Variants in GK observed in about 807,000 individuals in gnomAD.
GK encodes the protein ATP:glycerol 3-phosphotransferase.
GK carries 9 observed loss-of-function variants against 56.4 expected under a neutral mutation model. The ratio of observed to expected loss-of-function variants is 0.16; its 90% CI spans 0.10 to 0.28. The LOEUF (loss-of-function observed/expected upper bound fraction) is 0.28. GK is among the 10% of genes least tolerant of loss of function. GK has a pLI of 1.00. For synonymous variants in GK, 104 were observed against 144.1 expected, an observed-to-expected ratio of 0.72 and a Z score of 1.99; for missense variants, 161 against 431.4, an observed-to-expected ratio of 0.37 and a Z score of 5.55.
At chrX:30,696,848 C>A in intron 8 of GK, 165 bp downstream of exon 8, 2 of 468,902 alleles carry the variant, frequency 4.3e-6, no homozygotes, top group East Asian at 3.8e-5. Flanking sequence ...GTCCTTTTTA[C>A]AATGGATTTG....
intron 5 of GK, among the ~76,000 whole-genome samples, chrX:30,692,081 T>C (rs1934965837): frequency 1.5e-5 from 1 of 65,290 alleles, no homozygotes; most frequent in Non-Finnish European, 4.0e-5. Context: ...TCTGTTTTTG[T>C]TTTTTGTGTT....
chrX:30,711,169 G>A (rs1481980340), intron 13 of GK, among the ~76,000 whole-genome samples: 2 of 97,826 alleles, frequency 2.0e-5, no homozygotes, highest in African/African-American at 7.6e-5. Context: ...AGTTCTTTTA[G>A]TTTTAGTGTG....
At chrX:30,686,096 G>A (rs1417223643) in intron 4 of GK, among the ~76,000 whole-genome samples, 2 of 112,437 alleles carry the variant, frequency 1.8e-5, no homozygotes, top group African/African-American at 6.5e-5. Flanking sequence ...TGATATTTTG[G>A]CATTTTATAC....
intron 11 of GK, among the ~76,000 whole-genome samples, chrX:30,703,393 C>T (rs746527451): frequency 1.8e-5 from 2 of 111,330 alleles, no homozygotes; most frequent in East Asian, 2.8e-4. Context: ...GGCCAAGATG[C>T]CATGGAGGAA....
chrX:30,719,462 C>T lies in GK; in HGVS notation c.1098C>T (p.Phe366=), dbSNP rs200152844. ...KEVGTSYGCY[F]VPAFSGLYAP... ...TAGGTACTTCTTATGGCTGCTACTT[C>T]GTCCCAGCATTTTCGGGGTTATATG... The change falls in exon 15 of 21, where the codon TTC becomes TTT. Residue 366 remains phenylalanine, a synonymous_variant. Coordinates refer to ENST00000427190, the MANE Select transcript of GK (RefSeq NM_001205019.2). The T allele has an allele frequency of 5.2e-5, 62 of 1,195,549 alleles. No homozygotes were observed. The highest frequency in any genetic ancestry group is 4.2e-4 in the African/African-American group (24 of 56,940).
At chrX:30,696,968 A>G (rs765711511) in intron 8 of GK, among the ~76,000 whole-genome samples, 4 of 112,939 alleles carry the variant, frequency 3.5e-5, no homozygotes, top group African/African-American at 1.3e-4. Flanking sequence ...TTGAATCCAA[A>G]TAACTGTTTA....
At chrX:30,715,746 C>T (rs1488839801) in intron 13 of GK, among the ~76,000 whole-genome samples, 1 of 112,311 alleles carries the variant, frequency 8.9e-6, no homozygotes, top group South Asian at 3.7e-4. Context: ...AGATGTCTCT[C>T]ATTTTTATTT....
intron 13 of GK, among the ~76,000 whole-genome samples, chrX:30,716,381 G>C (rs972626398): frequency 9.0e-6 from 1 of 111,711 alleles, no homozygotes; most frequent in Non-Finnish European, 1.9e-5. Flanking sequence ...TTGAGCACTG[G>C]AAATGTGGCT....
At chrX:30,725,534 G>T (rs766160236) in intron 19 of GK, among the ~76,000 whole-genome samples, 11 of 112,280 alleles carry the variant, frequency 9.8e-5, no homozygotes, top group African/African-American at 3.6e-4. Flanking sequence ...CGTAAGCCTT[G>T]ACTTCTTTTC....
intron 16 of GK, 84 bp from the exon 17 acceptor site, chrX:30,720,537 A>G: frequency 3.4e-6 from 3 of 873,198 alleles, no homozygotes; most frequent in Non-Finnish European, 5.1e-6. Context: ...GAAGCTCTTG[A>G]GAGTTTCTGA....
At chrX:30,669,710 G>T (rs5972205) in intron 3 of GK, among the ~76,000 whole-genome samples, 4,184 of 110,774 alleles carry the variant, frequency 0.038, 212 homozygotes, top group African/African-American at 0.13. Flanking sequence ...ATTGGTGGTG[G>T]TGGCTTGATT....
At chrX:30,685,907 A>C (rs1273151939) in intron 4 of GK, among the ~76,000 whole-genome samples, 2 of 111,817 alleles carry the variant, frequency 1.8e-5, no homozygotes, top group Non-Finnish European at 3.8e-5. Context: ...TAGGATACTT[A>C]AGCCAGGGCC....
At chrX:30,714,627 C>T (rs1378529626) in intron 13 of GK, among the ~76,000 whole-genome samples, 3 of 111,592 alleles carry the variant, frequency 2.7e-5, no homozygotes, top group Non-Finnish European at 1.9e-5. Context: ...AATGGAAGCA[C>T]GTACACATCA....
rs1166882361 is a variant in GK, at chrX:30,696,798, A to T, written c.729+115A>T. 5.3e-6 allele frequency: 3 copies of T among 564,624 alleles called. No individual in the cohort carries two copies. The African/African-American group carries it at 6.8e-5, about 13-fold the overall frequency. The allele number at this position is 564,624 out of a possible 1,213,427, so 46.5% of individuals were successfully genotyped here. ...AACAAGTTTACTATTCATAATTCAAAAGTCAACTGTGTTATGTTTTGTGAC... is the reference window on the plus strand; with the variant it reads ...AACAAGTTTACTATTCATAATTCAATAGTCAACTGTGTTATGTTTTGTGAC... On this transcript the variant is annotated intron_variant, in intron 8 of 20. Transcript: ENST00000427190.
chrX:30,655,959 T>C (rs1932237537), intron 1 of GK, among the ~76,000 whole-genome samples: 2 of 112,222 alleles, frequency 1.8e-5, no homozygotes, highest in Admixed American at 9.5e-5. Context: ...ATTCAGAAGA[T>C]TCTTATCCTG....
Position 30,681,826 on chromosome X carries a change from T to C in GK, c.337+4374T>C, listed in dbSNP as rs188290445. The stretch of plus-strand genomic sequence containing the variant: ...GTACTCAAAGAAAGTAACTTCCACA[T>C]ACAGTTCTATATCCAGTGAAAAAAT... On this transcript the variant is annotated intron_variant, in intron 4 of 20. Transcript: ENST00000427190. Among the ~76,000 whole-genome samples the C allele has an allele frequency of 4.2e-3, 473 of 111,826 alleles. 6 individuals are homozygous for C. Among genetic ancestry groups the C allele is most frequent in the African/African-American group, 0.014 (444 of 30,855 alleles).
intron 4 of GK, among the ~76,000 whole-genome samples, chrX:30,685,377 C>T (rs1170290559): frequency 8.9e-6 from 1 of 112,066 alleles, no homozygotes; most frequent in East Asian, 2.8e-4. Flanking sequence ...TCGTGATCCG[C>T]CGGCCTCGGC....
At chrX:30,661,814 C>G (rs1019312469) in intron 1 of GK, among the ~76,000 whole-genome samples, 2 of 112,444 alleles carry the variant, frequency 1.8e-5, no homozygotes, top group South Asian at 3.6e-4. Flanking sequence ...CCAGGCTAGA[C>G]ATTGTATAAA....
At chrX:30,680,271 C>G (rs1934206444) in intron 4 of GK, among the ~76,000 whole-genome samples, 1 of 112,002 alleles carries the variant, frequency 8.9e-6, no homozygotes, top group Admixed American at 9.5e-5. Context: ...TTTAATCTCA[C>G]TGACCCTGTG....
Sources: allele counts gnomAD v4.1 joint callset (sites outside exome capture counted in the v4.1 genomes callset), GRCh38; gene constraint gnomAD v4.1.1; transcripts MANE v1.5; gene names NCBI Gene and HGNC (gene_info 2026-07-23, HGNC 2026-07-21).